The following VCAN variants were observed in gnomAD, a reference collection of about 807,000 sequenced individuals.
The protein encoded by VCAN is versican core protein.
VCAN carries 44 observed loss-of-function variants against 245.5 expected under a neutral mutation model. The observed-to-expected ratio is 0.18, with a 90% CI of 0.14 to 0.23. VCAN has a LOEUF of 0.23. Ranked by LOEUF, VCAN falls within the 10% of genes least tolerant of loss-of-function variation. VCAN has a pLI of 1.00. For synonymous variants in VCAN, 1,413 were observed against 1,437.0 expected (o/e 0.98, Z 0.38); for missense variants, 3,793 against 4,057.9 (o/e 0.93, Z 1.77).
chr5:83,540,953 A>G lies in VCAN; in HGVS notation c.7950A>G (p.Thr2650=), dbSNP rs1207968266. 2 of 1,614,124 alleles carry G rather than the reference A, an allele frequency of 1.2e-6. No homozygotes were observed. The highest frequency in any genetic ancestry group is 1.7e-6 in the Non-Finnish European group (2 of 1,180,006). Residue 2650 remains threonine (T), a synonymous_variant, in exon 8 of 15, where the codon ACA becomes ACG. Transcript: ENST00000265077. ...TTCTGGCTAGCTACACTCAGGCAACACATGATGAATCAATGACTTATGAAG... is the reference window on the plus strand; with the variant it reads ...TTCTGGCTAGCTACACTCAGGCAACGCATGATGAATCAATGACTTATGAAG... The part of the protein sequence containing the change: ...ADVLASYTQA[T]HDESMTYEDR...
At chr5:83,506,648 C>T (rs1475205370) in intron 5 of VCAN, among the ~76,000 whole-genome samples, 4 of 152,310 alleles carry the variant, frequency 2.6e-5, no homozygotes, top group African/African-American at 9.6e-5. Flanking sequence ...CCAGTTCCAA[C>T]ATTGCTTCCA....
intron 9 of VCAN, among the ~76,000 whole-genome samples, chr5:83,546,340 T>G (rs990237700): frequency 2.0e-5 from 3 of 152,080 alleles, no homozygotes; most frequent in African/African-American, 7.2e-5. Context: ...CTTTTAGAGA[T>G]ATCATGAAGG....
intron 7 of VCAN, among the ~76,000 whole-genome samples, chr5:83,529,924 T>C (rs954739837): frequency 6.6e-6 from 1 of 152,162 alleles, no homozygotes; most frequent in African/African-American, 2.4e-5. Context: ...TAGACTGTTT[T>C]GTTCTAAATA....
At chr5:83,474,335 C>G (rs1009290979) in intron 1 of VCAN, among the ~76,000 whole-genome samples, 5 of 152,110 alleles carry the variant, frequency 3.3e-5, no homozygotes, top group African/African-American at 1.2e-4. Flanking sequence ...AGGAACGGAC[C>G]GGAAGGGTTC....
chr5:83,502,904 A>C (rs1745374685), intron 5 of VCAN, among the ~76,000 whole-genome samples: 1 of 152,192 alleles, frequency 6.6e-6, no homozygotes, highest in African/African-American at 2.4e-5. Context: ...CATTATTCCC[A>C]AATTAGAAAC....
chr5:83,520,969 C>T lies in VCAN; in HGVS notation c.2663C>T (p.Ser888Leu). The stretch of plus-strand genomic sequence containing the variant: ...ACAATTAGATTTCAGCCAACTACAT[C>T]AACTGGTATTGCAGAAAAGTCAACT... ...KFTIRFQPTT[S>L]TGIAEKSTLR... is the part of the protein sequence containing the mutation. Residue 888 changes from serine (S) to leucine (L), a missense_variant, in exon 7 of 15, where the codon TCA becomes TTA. Ser to Leu is a moderately radical substitution (Grantham distance 145). Transcript: ENST00000265077. The T allele has an allele frequency of 1.2e-6, 2 of 1,614,056 alleles. No individual in the cohort carries two copies. The highest frequency in any genetic ancestry group is 1.7e-6 in the Non-Finnish European group (2 of 1,179,974).
chr5:83,539,913 A>G lies in VCAN; in HGVS notation c.6910A>G (p.Met2304Val), dbSNP rs370884649. The G allele has an allele frequency of 3.7e-6, 6 of 1,614,120 alleles. No individual in the cohort carries two copies. The East Asian group carries it at 1.3e-4, about 36-fold the overall frequency. The change falls in exon 8 of 15, where the codon ATG becomes GTG. Residue 2304 changes from methionine to valine, a missense_variant. Transcript: ENST00000265077. ...SSDKIEDFNR[M>V]ENVAKEVGPL... is the part of the protein sequence containing the mutation. The stretch of plus-strand genomic sequence containing the variant: ...TGACAAAATTGAAGACTTTAACAGA[A>G]TGGAAAATGTGGCAAAAGAAGTTGG...
chr5:83,472,954 G>T (rs1362789519), intron 1 of VCAN, among the ~76,000 whole-genome samples: 1 of 152,218 alleles, frequency 6.6e-6, no homozygotes, highest in South Asian at 2.1e-4. Flanking sequence ...AGACAAAGGT[G>T]GCTCGGGGAC....
At chr5:83,493,356 T>G (rs1276120521) in intron 3 of VCAN, among the ~76,000 whole-genome samples, 190 bp from the exon 4 acceptor site, 1 of 152,254 alleles carries the variant, frequency 6.6e-6, no homozygotes, top group African/African-American at 2.4e-5. Flanking sequence ...GATGTCTAGA[T>G]GAATGGCATT....
In VCAN at chr5:83,519,403, G is replaced by T. The variant is rs750746361; in HGVS notation, c.1097G>T (p.Ser366Ile). 12 of 1,613,978 alleles carry T rather than the reference G, an allele frequency of 7.4e-6. No homozygotes were observed. The highest frequency in any genetic ancestry group is 8.5e-6 in the Non-Finnish European group (10 of 1,179,932). ...LSILAETASPSLSKEPQMVSD... is the reference protein window; with the variant it reads ...LSILAETASPILSKEPQMVSD... ...ATCCTCGCAGAAACTGCATCACCCA[G>T]TTTATCCAAAGAACCACAAATGGTT... Residue 366 changes from serine to isoleucine, a missense_variant, in exon 7 of 15, where the codon AGT (serine) becomes ATT (isoleucine). By Grantham distance (142) the Ser-to-Ile change is moderately radical. Around this residue, in one of 5 missense-constraint regions of VCAN, gnomAD observed 3,182 missense variants for 3,250.3 expected, o/e 0.98. Transcript: ENST00000265077.
chr5:83,550,963 T>A (rs1319118638), intron 10 of VCAN, among the ~76,000 whole-genome samples: 1 of 135,170 alleles, frequency 7.4e-6, no homozygotes, highest in East Asian at 2.2e-4. Context: ...CAAAAACCAC[T>A]CTAAGTGGTT....
chr5:83,580,581 C>A lies in VCAN; in HGVS notation c.*147C>A. On this transcript the variant is annotated 3_prime_UTR_variant, in exon 15 of 15. Coordinates refer to ENST00000265077, the MANE Select transcript of VCAN (RefSeq NM_004385.5). ...ATTTTGGGTTGCCGTGCTCCCAAAA[C>A]ATTTTAAATGAAAGTATTGGCATTC... 1 of 1,186,086 alleles carries A rather than the reference C, an allele frequency of 8.4e-7. No homozygotes were observed. The highest frequency in any genetic ancestry group is 2.6e-5 in the East Asian group (1 of 38,092). The allele number at this position is 1,186,086 out of a possible 1,614,324, so 73.5% of individuals were successfully genotyped here. A position where few individuals can be genotyped will look rare whatever the true frequency, so the allele number is the denominator to read the frequency against.
In VCAN at chr5:83,521,713, C is replaced by T. The variant is rs1317762793; in HGVS notation, c.3407C>T (p.Pro1136Leu). Reference sequence around the variant, plus strand: ...CCAAAAGTATCTTTAAGTCCAGGGCCTGAACAAAAATATGAAACAGAAGGT... The same window carrying T: ...CCAAAAGTATCTTTAAGTCCAGGGCTTGAACAAAAATATGAAACAGAAGGT... ...IGPKVSLSPG[P>L]EQKYETEGSS... The change falls in exon 7 of 15, where the codon CCT becomes CTT. Residue 1136 changes from proline to leucine, a missense_variant. Physicochemically the swap from Pro to Leu is moderately conservative, Grantham distance 98. This residue lies in a region of VCAN where 3,182 missense variants were observed against 3,250.3 expected (regional missense o/e 0.98). Coordinates refer to ENST00000265077, the MANE Select transcript of VCAN (RefSeq NM_004385.5). 1.2e-6 allele frequency: 2 copies of T among 1,613,964 alleles called. No individual in the cohort carries two copies. Among genetic ancestry groups the T allele is most frequent in the Admixed American group, 3.3e-5 (2 of 59,976 alleles).
chr5:83,522,092 C>T lies in VCAN; in HGVS notation c.3786C>T (p.Thr1262=), dbSNP rs1330996098. The T allele has an allele frequency of 5.0e-6, 8 of 1,614,042 alleles. No homozygotes were observed. In the Admixed American group the frequency reaches 1.2e-4, roughly 24 times the overall value. The change falls in exon 7 of 15, where the codon ACC becomes ACT. Residue 1262 remains threonine, a synonymous_variant. Coordinates refer to ENST00000265077, the MANE Select transcript of VCAN (RefSeq NM_004385.5). ...GESTSHVPPT[T]LEDIVAKETE... is the part of the protein sequence containing the mutation. ...CAACATCTCATGTTCCTCCCACTAC[C>T]CTTGAAGATATTGTAGCCAAGGAAA...
intron 12 of VCAN, among the ~76,000 whole-genome samples, chr5:83,560,666 C>T (rs1242084744): frequency 1.3e-5 from 2 of 152,178 alleles, no homozygotes; most frequent in Non-Finnish European, 2.9e-5. Flanking sequence ...CTATCAGAAA[C>T]TCTTACATGC....
intron 1 of VCAN, among the ~76,000 whole-genome samples, chr5:83,473,017 C>T (rs1039099514): frequency 1.3e-5 from 2 of 152,204 alleles, no homozygotes; most frequent in Non-Finnish European, 2.9e-5. Flanking sequence ...AGGAGTCCTC[C>T]GTTTCCTTAC....
intron 5 of VCAN, among the ~76,000 whole-genome samples, chr5:83,502,582 C>G (rs148692813): frequency 2.6e-5 from 4 of 152,192 alleles, no homozygotes; most frequent in African/African-American, 9.7e-5. Context: ...TTCTGAAAAC[C>G]GTACAAATGT....
Position 83,521,123 on chromosome 5 carries a change from T to G in VCAN, c.2817T>G (p.Thr939=), listed in dbSNP as rs1746076200. ...EDVDLSKPVS[T]VPQFAHTSEV... is the part of the protein sequence containing the mutation. ...TGGACCTCTCTAAGCCAGTATCTAC[T>G]GTTCCCCAATTTGCACACACTTCAG... Residue 939 remains threonine (T), a synonymous_variant, in exon 7 of 15, where the codon ACT becomes ACG. Coordinates refer to ENST00000265077, the MANE Select transcript of VCAN (RefSeq NM_004385.5). 2 of 1,614,128 alleles carry G rather than the reference T, an allele frequency of 1.2e-6. No homozygotes were observed. Among genetic ancestry groups the G allele is most frequent in the Non-Finnish European group, 1.7e-6 (2 of 1,179,992 alleles).
intron 10 of VCAN, among the ~76,000 whole-genome samples, chr5:83,552,496 T>A (rs182313806): frequency 1.3e-5 from 2 of 152,330 alleles, no homozygotes; most frequent in Admixed American, 1.3e-4. Flanking sequence ...AATACAGTGC[T>A]ATGAACAATG....
Sources: allele counts gnomAD v4.1 joint callset (sites outside exome capture counted in the v4.1 genomes callset), GRCh38; gene constraint gnomAD v4.1.1; regional missense constraint gnomAD v4.1.1; transcripts MANE v1.5; gene names NCBI Gene and HGNC (gene_info 2026-07-23, HGNC 2026-07-21).